SRM: variants seen among roughly 807,000 people sequenced by gnomAD.
SRM encodes the protein spermidine synthase.
A neutral mutation model predicts 39.3 loss-of-function variants in SRM; 14 were observed. That is an observed-to-expected ratio of 0.36 (90% CI 0.24 to 0.56). The LOEUF (loss-of-function observed/expected upper bound fraction) is 0.56. Ranked by LOEUF, SRM falls within the 20% of genes least tolerant of loss-of-function variation. The pLI, the probability that SRM is intolerant of heterozygous loss-of-function variation, is 0.86. For synonymous variants in SRM, 195 were observed against 173.1 expected (o/e 1.13, Z -0.99); for missense variants, 244 against 409.2 (o/e 0.60, Z 3.48).
chr1:11,054,788 C>G lies in SRM; in HGVS notation c.*77G>C. 2 of 1,520,836 alleles carry G rather than the reference C, an allele frequency of 1.3e-6. No individual in the cohort carries two copies. Among genetic ancestry groups the G allele is most frequent in the African/African-American group, 2.8e-5 (2 of 72,324 alleles). 94.2% of individuals were successfully genotyped at this position (1,520,836 alleles called of 1,614,324 possible). On this transcript the variant is annotated 3_prime_UTR_variant, in exon 8 of 8. Coordinates refer to ENST00000376957, the MANE Select transcript of SRM (RefSeq NM_003132.3). This position sits in a 1 kb window ranked among gnomAD's most constrained non-coding sequence, Gnocchi z 4.8. ...GCGAGAGCCAGCAGGAGGTCCGGCC[C>G]GGGGCTGGAGGGGCCGAGGCACCCC...
At chr1:11,055,291 T>A in intron 6 of SRM, 2 of 622,114 alleles carry the variant, frequency 3.2e-6, no homozygotes, top group Non-Finnish European at 5.0e-6. Context: ...GTATTTTGAG[T>A]AGTGATGGGG....
chr1:11,057,108 C>T (rs1313163323), intron 3 of SRM, among the ~76,000 whole-genome samples: 3 of 152,120 alleles, frequency 2.0e-5, no homozygotes, highest in East Asian at 1.9e-4. Context: ...CCTCCCACCT[C>T]GGCCTCCAAA....
intron 3 of SRM, among the ~76,000 whole-genome samples, chr1:11,058,287 G>A (rs1638915158): frequency 1.3e-5 from 2 of 152,224 alleles, no homozygotes; most frequent in African/African-American, 2.4e-5. Context: ...TCGGCTGGGC[G>A]TGGTGGCTCA....
chr1:11,059,585 C>T (rs969165617), intron 1 of SRM, 192 bp downstream of exon 1: 4 of 910,206 alleles, frequency 4.4e-6, no homozygotes, highest in Non-Finnish European at 4.8e-6. Context: ...GCGCAGACTC[C>T]GACTCCCCCA....
At position 11,055,092 on chromosome 1, in the gene SRM, C is replaced by G; in HGVS notation, c.766-8G>C. The G allele has an allele frequency of 6.2e-7, 1 of 1,607,288 alleles. No homozygotes were observed. Among genetic ancestry groups the G allele is most frequent in the Non-Finnish European group, 8.5e-7 (1 of 1,177,332 alleles). On this transcript the variant is annotated splice_polypyrimidine_tract_variant and splice_region_variant and intron_variant, in intron 6 of 7. Transcript: ENST00000376957. ...CTCCTGGAAGTTCGTGCTCTGGGGA[C>G]CGGGCCAGGGGCACATCAGGGGGGG...
chr1:11,059,166 C>G, intron 2 of SRM, 59 bp downstream of exon 2: 1 of 1,609,250 alleles, frequency 6.2e-7, no homozygotes, highest in East Asian at 2.2e-5. Context: ...CTGGGAAGAG[C>G]CCGGAGCACA....
intron 4 of SRM, among the ~76,000 whole-genome samples, chr1:11,056,317 G>A (rs184853623): frequency 6.6e-6 from 1 of 152,304 alleles, no homozygotes; most frequent in Admixed American, 6.5e-5. Context: ...CTCCAGTGCT[G>A]ACCACTTCAG....
intron 3 of SRM, 48 bp from the exon 4 acceptor site, chr1:11,056,805 T>C (rs1570766993): frequency 6.2e-7 from 1 of 1,606,730 alleles, no homozygotes; most frequent in Non-Finnish European, 8.5e-7. Context: ...CTGGGGGACC[T>C]GGAGCCAGCA....
In SRM at chr1:11,059,909, C is replaced by A; in HGVS notation, c.35G>T (p.Gly12Val). ...CCAGCCCTCGCGGATGGCGGCGGGG[C>A]CGGAGGCGGCGGGGCCGTCGGGGCC... Reference protein sequence around the residue: ...EPGPDGPAASGPAAIREGWFR... With the variant: ...EPGPDGPAASVPAAIREGWFR... The change falls in exon 1 of 8, where the codon GGC becomes GTC. Residue 12 changes from glycine (G) to valine (V), a missense_variant. Physicochemically the swap from Gly to Val is moderately radical, Grantham distance 109. Coordinates refer to ENST00000376957, the MANE Select transcript of SRM (RefSeq NM_003132.3). 1.4e-6 allele frequency: 2 copies of A among 1,388,840 alleles called. No homozygotes were observed. The highest frequency in any genetic ancestry group is 1.9e-6 in the Non-Finnish European group (2 of 1,069,570). 86.0% of individuals were successfully genotyped at this position (1,388,840 alleles called of 1,614,324 possible). A position where few individuals can be genotyped will look rare whatever the true frequency, so the allele number is the denominator to read the frequency against.
rs577297770 is a variant in SRM at position 11,058,034 on chromosome 1, G to A, written c.381+766C>T. ...CCTCAGGTGATCTGCCCGCCTTGGC[G>A]TCCCAAAGTGCTGGGATTACAGGTG... On this transcript the variant is annotated intron_variant, in intron 3 of 7. Transcript: ENST00000376957. Among the ~76,000 whole-genome samples, 18 of 151,656 alleles carry A rather than the reference G, an allele frequency of 1.2e-4. No homozygotes were observed. The East Asian group carries it at 3.0e-3, about 25-fold the overall frequency.
At chr1:11,056,989 C>T (rs1369339161) in intron 3 of SRM, among the ~76,000 whole-genome samples, 5 of 151,546 alleles carry the variant, frequency 3.3e-5, no homozygotes, top group African/African-American at 1.2e-4. Flanking sequence ...GGTGATCCTC[C>T]CCCATCAGCC....
rs763670561 is a variant in SRM, at chr1:11,056,598, G to T, written c.535+6C>A. 6.2e-7 allele frequency: 1 copy of T among 1,613,990 alleles called. No individual in the cohort carries two copies. The highest frequency in any genetic ancestry group is 8.5e-7 in the Non-Finnish European group (1 of 1,179,968). The stretch of plus-strand genomic sequence containing the variant: ...CAGAAAACCCTGGGGCCCATCCACT[G>T]CTTACCCATGGGGTCTGAGGAGTCA... On this transcript the variant is annotated splice_donor_region_variant and intron_variant, in intron 4 of 7. Transcript: ENST00000376957.
intron 4 of SRM, among the ~76,000 whole-genome samples, chr1:11,056,391 C>T (rs1280404890): frequency 6.6e-6 from 1 of 152,230 alleles, no homozygotes; most frequent in East Asian, 1.9e-4. Flanking sequence ...CCCCACTCTC[C>T]TTGGTCACCA....
intron 3 of SRM, chr1:11,058,569 A>AG: frequency 2.4e-6 from 1 of 409,262 alleles, no homozygotes. Flanking sequence ...CTCAAAAAAA[A>AG]AAAAAAAAAA....
chr1:11,056,851 A>G (rs916967658), intron 3 of SRM, 94 bp from the exon 4 acceptor site: 1 of 1,382,706 alleles, frequency 7.2e-7, no homozygotes, highest in Non-Finnish European at 1.0e-6. Context: ...CTCACAGGCA[A>G]GCCGCCTTGG....
Position 11,057,508 on chromosome 1 carries a change from G to A in SRM, c.382-751C>T, listed in dbSNP as rs149679144. ...TTAGTAGAGACCTTGTGATCTGCCC[G>A]CCTCAGCCTCCCAGAGTGCTGAGAT... On this transcript the variant is annotated intron_variant, in intron 3 of 7. Transcript: ENST00000376957. 3.1e-3 allele frequency among the ~76,000 whole-genome samples: 412 copies of A among 133,746 alleles called. 3 individuals are homozygous for A. The highest frequency in any genetic ancestry group is 1.0e-2 in the African/African-American group (365 of 36,524). 87.7% of individuals were successfully genotyped at this position (133,746 alleles called of 152,430 possible). A position where few individuals can be genotyped will look rare whatever the true frequency, so the allele number is the denominator to read the frequency against.
Position 11,056,103 on chromosome 1 carries a change from G to A in SRM, c.536-9C>T. The A allele has an allele frequency of 6.2e-7, 1 of 1,600,286 alleles. No homozygotes were observed. The highest frequency in any genetic ancestry group is 8.5e-7 in the Non-Finnish European group (1 of 1,173,036). On this transcript the variant is annotated splice_polypyrimidine_tract_variant and intron_variant, in intron 4 of 7. Transcript: ENST00000376957. ...GAGACTTTCGGCGGGGCCTGGGGAA[G>A]ACAGAGGGAGACACACTGAACAGTC...
At position 11,055,104 on chromosome 1, in the gene SRM, C is replaced by T. The variant is rs531204209; in HGVS notation, c.766-20G>A. ...CGTGCTCTGGGGACCGGGCCAGGGG[C>T]ACATCAGGGGGGGCACTTTTTTTTT... On this transcript the variant is annotated intron_variant, in intron 6 of 7. Transcript: ENST00000376957. The T allele has an allele frequency of 2.3e-3, 3,674 of 1,581,578 alleles. 100 individuals are homozygous for T. In the South Asian group the frequency reaches 0.04, roughly 17 times the overall value.
chr1:11,056,458 G>T, intron 4 of SRM, 146 bp downstream of exon 4: 1 of 1,023,726 alleles, frequency 9.8e-7, no homozygotes, highest in South Asian at 1.7e-5. Flanking sequence ...CCATGTTTCA[G>T]AGGGCAGGTA....
Sources: gnomAD v4.1 joint callset for allele counts (sites outside exome capture counted in the v4.1 genomes callset) on GRCh38, gnomAD v4.1.1 for gene constraint, Gnocchi (gnomAD v3.1) non-coding constraint, MANE v1.5 for transcripts, NCBI Gene and HGNC (gene_info 2026-07-23, HGNC 2026-07-21) for gene names.